The following GSK3B variants were observed in gnomAD, a reference collection of about 807,000 sequenced individuals.
GSK3B encodes the protein glycogen synthase kinase-3 beta.
A neutral mutation model predicts 56.4 loss-of-function variants in GSK3B; 15 were observed. The observed-to-expected ratio is 0.27, with a 90% CI of 0.18 to 0.41. The LOEUF is 0.41. GSK3B is among the 10% of genes least tolerant of loss of function. The probability of loss-of-function intolerance (pLI) is 1.00; values close to 1 mark genes in which losing one functional copy is unlikely to be tolerated. For synonymous variants in GSK3B, 181 were observed against 188.9 expected (o/e 0.96, Z 0.34); for missense variants, 300 against 513.4 (o/e 0.58, Z 4.02).
Position 120,002,331 on chromosome 3 carries a change from T to A in GSK3B, c.89-92A>T, listed in dbSNP as rs566624156. The A allele has an allele frequency of 3.1e-5, 18 of 580,214 alleles. No individual in the cohort carries two copies. The East Asian group carries it at 6.0e-4, about 19-fold the overall frequency. 35.9% of individuals were successfully genotyped at this position (580,214 alleles called of 1,614,324 possible). ...AATATACAAGGTAAACTATATTCTT[T>A]ATTTTTTATTTTATTTTTTTTTTTG... On this transcript the variant is annotated intron_variant, in intron 1 of 10. Transcript: ENST00000264235.
chr3:119,935,010 G>C (rs988180760), intron 3 of GSK3B, among the ~76,000 whole-genome samples: 8 of 151,954 alleles, frequency 5.3e-5, no homozygotes, highest in Admixed American at 6.6e-5. Flanking sequence ...ATATTCAAAA[G>C]AAACTCCTAG....
chr3:120,057,553 A>C (rs1004982426), intron 1 of GSK3B, among the ~76,000 whole-genome samples: 1 of 152,234 alleles, frequency 6.6e-6, no homozygotes, highest in African/African-American at 2.4e-5. Context: ...TGTATATATT[A>C]GTTATCATCT....
At chr3:120,010,904 CTAAAAA>C (rs1281435468) in intron 1 of GSK3B, among the ~76,000 whole-genome samples, 4 of 152,184 alleles carry the variant, frequency 2.6e-5, no homozygotes, top group Non-Finnish European at 5.9e-5. Flanking sequence ...ATTGTCTCTA[CTAAAAA>C]TACAAAAATT....
chr3:119,920,652 T>C (rs1336234130), intron 4 of GSK3B, among the ~76,000 whole-genome samples: 1 of 152,190 alleles, frequency 6.6e-6, no homozygotes, highest in African/African-American at 2.4e-5. Flanking sequence ...GTGGTCCTAG[T>C]GTTGGAATTG....
chr3:119,961,167 A>T (rs2057267911), intron 2 of GSK3B, among the ~76,000 whole-genome samples: 1 of 152,094 alleles, frequency 6.6e-6, no homozygotes, highest in African/African-American at 2.4e-5. Context: ...ACTCTCTCTA[A>T]TCCCTCTCCA....
Position 119,938,950 on chromosome 3 carries a change from T to C in GSK3B, c.366+8318A>G, listed in dbSNP as rs905587036. 9.2e-5 allele frequency among the ~76,000 whole-genome samples: 14 copies of C among 151,812 alleles called. No homozygotes were observed. The East Asian group carries it at 2.7e-3, about 29-fold the overall frequency. On this transcript the variant is annotated intron_variant, in intron 3 of 10. Transcript: ENST00000264235. Reference sequence around the variant, plus strand: ...AAACAAAATTAATAAAATCTCACCATGCTGCTGAGAATTACACAACCTAGT... The same window carrying C: ...AAACAAAATTAATAAAATCTCACCACGCTGCTGAGAATTACACAACCTAGT...
intron 8 of GSK3B, among the ~76,000 whole-genome samples, chr3:119,864,532 G>A (rs963598617): frequency 6.6e-6 from 1 of 152,166 alleles, no homozygotes; most frequent in South Asian, 2.1e-4. Context: ...TCCCTCGACA[G>A]GAAGAACATA....
At chr3:120,080,365 AGAC>A (rs955270531) in intron 1 of GSK3B, among the ~76,000 whole-genome samples, 7 of 150,984 alleles carry the variant, frequency 4.6e-5, no homozygotes, top group African/African-American at 1.7e-4. Flanking sequence ...AAGAAGGAGA[AGAC>A]GACGACACTC....
intron 1 of GSK3B, among the ~76,000 whole-genome samples, chr3:120,026,512 T>C (rs866522102): frequency 3.1e-5 from 4 of 130,440 alleles, no homozygotes; most frequent in South Asian, 2.5e-4. Context: ...TACCGCCAAA[T>C]ACACACACAC....
At chr3:120,024,861 T>C (rs371241829) in intron 1 of GSK3B, among the ~76,000 whole-genome samples, 1 of 152,184 alleles carries the variant, frequency 6.6e-6, no homozygotes, top group African/African-American at 2.4e-5. Context: ...GCAGAAGGCA[T>C]GTAAAAAGAA....
At chr3:120,050,822 G>C (rs940793022) in intron 1 of GSK3B, among the ~76,000 whole-genome samples, 2 of 152,150 alleles carry the variant, frequency 1.3e-5, no homozygotes, top group Admixed American at 1.3e-4. Context: ...CAAAGCAGTA[G>C]AATTAATATC....
At chr3:120,011,081 C>T (rs1034167788) in intron 1 of GSK3B, among the ~76,000 whole-genome samples, 2 of 152,086 alleles carry the variant, frequency 1.3e-5, no homozygotes, top group Non-Finnish European at 2.9e-5. Flanking sequence ...AACAGCAACA[C>T]AAAAAGCCTA....
At chr3:119,962,375 CAAA>C (rs71156779) in intron 2 of GSK3B, among the ~76,000 whole-genome samples, 2 of 120,478 alleles carry the variant, frequency 1.7e-5, no homozygotes, top group Admixed American at 8.2e-5. Context: ...AACTCTGTCT[CAAA>C]AAAAAAAAAA....
At chr3:119,987,783 T>C (rs2057530166) in intron 2 of GSK3B, among the ~76,000 whole-genome samples, 1 of 152,234 alleles carries the variant, frequency 6.6e-6, no homozygotes, top group Non-Finnish European at 1.5e-5. Flanking sequence ...AAATTTAGCT[T>C]ATCTGGTATA....
chr3:120,023,748 C>T (rs551369440), intron 1 of GSK3B, among the ~76,000 whole-genome samples: 2 of 152,190 alleles, frequency 1.3e-5, no homozygotes, highest in Admixed American at 1.3e-4. Context: ...GAACAGTGTA[C>T]CTGACAATCT....
Position 119,940,926 on chromosome 3 carries a change from T to A in GSK3B, c.366+6342A>T, listed in dbSNP as rs573187354. Among the ~76,000 whole-genome samples, 12 of 152,304 alleles carry A rather than the reference T, an allele frequency of 7.9e-5. No individual in the cohort carries two copies. In the East Asian group the frequency reaches 2.1e-3, roughly 27 times the overall value. On this transcript the variant is annotated intron_variant, in intron 3 of 10. Transcript: ENST00000264235. ...AAATGAGTAAATATAAGTAATGTGT[T>A]TAGATTAATGCCTGGCATATAGTAT...
intron 6 of GSK3B, among the ~76,000 whole-genome samples, chr3:119,911,165 T>A (rs2107452938): frequency 6.6e-6 from 1 of 152,308 alleles, no homozygotes; most frequent in Middle Eastern, 3.4e-3. Context: ...ATCAGACTAA[T>A]CACTATCTAG....
Position 119,824,392 on chromosome 3 carries a change from CTTT to C in GSK3B, c.*2393_*2395del. On this transcript the variant is annotated 3_prime_UTR_variant, in exon 11 of 11. Coordinates refer to ENST00000264235, the MANE Select transcript of GSK3B (RefSeq NM_001146156.2). ...ACAATGAAATGAGAGAAAAGCGTGACTTTTCTCTCTTCTTTTACCCCAGTTGTG... is the reference window on the plus strand; with the variant it reads ...ACAATGAAATGAGAGAAAAGCGTGACTCTCTCTTCTTTTACCCCAGTTGTG... 1 of 219,732 alleles carries C rather than the reference CTTT, an allele frequency of 4.6e-6. No homozygotes were observed. Among genetic ancestry groups the C allele is most frequent in the South Asian group, 1.8e-4 (1 of 5,418 alleles). The allele number at this position is 219,732 out of a possible 1,614,324, so 13.6% of individuals were successfully genotyped here.
At chr3:119,914,099 C>T (rs1199735562) in intron 5 of GSK3B, among the ~76,000 whole-genome samples, 3 of 152,046 alleles carry the variant, frequency 2.0e-5, no homozygotes, top group Non-Finnish European at 4.4e-5. Context: ...GCCTCTCTTA[C>T]AGAGGAGACT....
Sources: allele counts gnomAD v4.1 joint callset (sites outside exome capture counted in the v4.1 genomes callset), GRCh38; gene constraint gnomAD v4.1.1; transcripts MANE v1.5; gene names NCBI Gene and HGNC (gene_info 2026-07-23, HGNC 2026-07-21).